Variants in NLGN1 observed in about 807,000 individuals in gnomAD.
The protein encoded by NLGN1 is neuroligin 1, also known as neuroligin-1.
In NLGN1, 12 loss-of-function variants were observed where a neutral mutation model predicts 65.5. That is an observed-to-expected ratio of 0.18 (90% CI 0.12 to 0.30). The LOEUF is 0.30. Among genes scored for constraint, NLGN1 ranks in the 10% least tolerant of loss-of-function variants. NLGN1 has a pLI of 1.00. For synonymous variants in NLGN1, 350 were observed against 359.5 expected, an observed-to-expected ratio of 0.97 and a Z score of 0.30; for missense variants, 750 against 1,007.1, an observed-to-expected ratio of 0.74 and a Z score of 3.46.
intron 4 of NLGN1, among the ~76,000 whole-genome samples, chr3:174,228,782 A>G (rs1740173381): frequency 1.3e-5 from 2 of 152,120 alleles, no homozygotes; most frequent in Non-Finnish European, 2.9e-5. Flanking sequence ...TGACAGGACA[A>G]AAAAGTGGTG....
At chr3:173,395,999 GAGA>G (rs376300782), upstream of NLGN1, among the ~76,000 whole-genome samples, 1 of 152,220 alleles carries the variant, frequency 6.6e-6, no homozygotes, top group African/African-American at 2.4e-5. Flanking sequence ...GAGGGAGAGA[GAGA>G]AGGTGGCAGT....
chr3:173,725,062 A>C (rs1771535768), intron 3 of NLGN1, among the ~76,000 whole-genome samples: 1 of 152,146 alleles, frequency 6.6e-6, no homozygotes. Context: ...ATTAGGAGAT[A>C]TACCTAATGA....
intron 4 of NLGN1, among the ~76,000 whole-genome samples, chr3:174,152,989 T>G (rs1724692700): frequency 6.6e-6 from 1 of 152,162 alleles, no homozygotes; most frequent in South Asian, 2.1e-4. Context: ...CTGTCTCTTC[T>G]AAATTCTGAT....
intron 2 of NLGN1, among the ~76,000 whole-genome samples, chr3:173,539,482 CATGTATATGT>C (rs1296185973): frequency 1.4e-5 from 2 of 140,220 alleles, no homozygotes; most frequent in African/African-American, 5.3e-5. Flanking sequence ...TACGCATATG[CATGTATATGT>C]ATGTATATGT....
chr3:173,821,720 A>G (rs1049811586), intron 4 of NLGN1, among the ~76,000 whole-genome samples: 19 of 152,142 alleles, frequency 1.2e-4, no homozygotes, highest in Admixed American at 3.9e-4. Context: ...TCAGACATAT[A>G]TAACTTTTTC....
chr3:174,215,593 C>G (rs956641083), intron 4 of NLGN1, among the ~76,000 whole-genome samples: 2 of 152,026 alleles, frequency 1.3e-5, no homozygotes, highest in Non-Finnish European at 2.9e-5. Flanking sequence ...AGAAGATATT[C>G]GAGTGATGAT....
At chr3:173,923,969 A>T (rs1273345314) in intron 4 of NLGN1, among the ~76,000 whole-genome samples, 1 of 152,042 alleles carries the variant, frequency 6.6e-6, no homozygotes, top group Non-Finnish European at 1.5e-5. Flanking sequence ...CTTTATGTGA[A>T]TTTTCTCAAA....
intron 4 of NLGN1, among the ~76,000 whole-genome samples, chr3:173,874,767 A>G (rs898656662): frequency 3.3e-5 from 5 of 152,210 alleles, no homozygotes; most frequent in Non-Finnish European, 7.4e-5. Flanking sequence ...AGAGACCACT[A>G]AGTAAAATGT....
chr3:173,404,434 C>G (rs1718247506), intron 1 of NLGN1, among the ~76,000 whole-genome samples: 1 of 152,158 alleles, frequency 6.6e-6, no homozygotes, highest in Non-Finnish European at 1.5e-5. Flanking sequence ...TACACCACAG[C>G]AACCACCTCT....
intron 4 of NLGN1, among the ~76,000 whole-genome samples, chr3:174,207,551 T>C (rs1319593670): frequency 6.6e-6 from 1 of 152,242 alleles, no homozygotes; most frequent in Non-Finnish European, 1.5e-5. Flanking sequence ...GAATGGACTT[T>C]ATGATAGTCA....
At chr3:174,080,085 TAC>T (rs1317295123) in intron 4 of NLGN1, among the ~76,000 whole-genome samples, 1 of 152,158 alleles carries the variant, frequency 6.6e-6, no homozygotes. Context: ...AAACTGTACA[TAC>T]TCTCCACATA....
At chr3:173,561,676 A>G (rs184286104) in intron 2 of NLGN1, among the ~76,000 whole-genome samples, 1 of 152,334 alleles carries the variant, frequency 6.6e-6, no homozygotes, top group East Asian at 1.9e-4. Flanking sequence ...GAAGTGAGGC[A>G]TTGCTCCAAA....
intron 3 of NLGN1, among the ~76,000 whole-genome samples, chr3:173,638,804 CA>C (rs1756984973): frequency 6.6e-6 from 1 of 152,082 alleles, no homozygotes; most frequent in African/African-American, 2.4e-5. Flanking sequence ...AGATGTGTCA[CA>C]GTAATTTTGG....
chr3:173,738,355 T>C lies in NLGN1; in HGVS notation c.494-69325T>C, dbSNP rs6774047. ...GGTTGTGAAATTTTACTATGTTTTC[T>C]TCTAAGAATTTTATATGTTTTGTCT... On this transcript the variant is annotated intron_variant, in intron 3 of 6. Coordinates refer to ENST00000457714, the Ensembl canonical transcript of NLGN1. Among the ~76,000 whole-genome samples, 390 of 152,192 alleles carry C rather than the reference T, an allele frequency of 2.6e-3. 5 individuals are homozygous for C. The highest frequency in any genetic ancestry group is 8.7e-3 in the African/African-American group (362 of 41,566).
intron 4 of NLGN1, among the ~76,000 whole-genome samples, chr3:173,836,772 A>G (rs1723701644): frequency 6.6e-6 from 1 of 152,198 alleles, no homozygotes; most frequent in Non-Finnish European, 1.5e-5. Flanking sequence ...ATATTCACAA[A>G]GTCTGGTACA....
intron 3 of NLGN1, among the ~76,000 whole-genome samples, chr3:173,647,411 C>T (rs1758447077): frequency 6.6e-6 from 1 of 152,036 alleles, no homozygotes; most frequent in Non-Finnish European, 1.5e-5. Flanking sequence ...CAAGCATGCA[C>T]AGAACTTTTA....
intron 3 of NLGN1, among the ~76,000 whole-genome samples, chr3:173,692,101 C>T (rs1053221849): frequency 4.2e-4 from 64 of 152,124 alleles, no homozygotes; most frequent in African/African-American, 1.5e-3. Flanking sequence ...ATTCAATATA[C>T]TAATTAAATC....
At chr3:173,484,169 TA>T (rs1462119919) in intron 2 of NLGN1, among the ~76,000 whole-genome samples, 4 of 152,136 alleles carry the variant, frequency 2.6e-5, no homozygotes, top group Non-Finnish European at 5.9e-5. Context: ...TATGTGTATT[TA>T]AAAGATATAC....
At chr3:174,102,707 TTGACAGCCCATGAATTCTC>T in intron 4 of NLGN1, among the ~76,000 whole-genome samples, 1 of 152,272 alleles carries the variant, frequency 6.6e-6, no homozygotes, top group Admixed American at 6.5e-5. Flanking sequence ...CTTGATAGTG[TTGACAGCCCATGAATTCTC>T]TGACAGCCCA....
Sources: allele counts gnomAD v4.1 joint callset (sites outside exome capture counted in the v4.1 genomes callset), GRCh38; gene constraint gnomAD v4.1.1; transcripts MANE v1.5; gene names NCBI Gene and HGNC (gene_info 2026-07-23, HGNC 2026-07-21).